ATP11B: variants seen among roughly 807,000 people sequenced by gnomAD.
The protein encoded by ATP11B is ATPase phospholipid transporting 11B (putative).
ATP11B carries 81 observed loss-of-function variants against 157.8 expected under a neutral mutation model. That is an observed-to-expected ratio of 0.51 (90% confidence interval 0.43 to 0.62). ATP11B has a LOEUF of 0.62. Ranked by LOEUF, ATP11B falls within the 20% of genes least tolerant of loss-of-function variation. The probability of loss-of-function intolerance (pLI) is 0.00; values close to 1 mark genes in which losing one functional copy is unlikely to be tolerated. For synonymous variants in ATP11B, 451 were observed against 469.4 expected (o/e 0.96, Z 0.51); for missense variants, 1,165 against 1,402.2 (o/e 0.83, Z 2.70).
intron 10 of ATP11B, among the ~76,000 whole-genome samples, chr3:182,854,601 T>C (rs566211069): frequency 6.6e-6 from 1 of 152,180 alleles, no homozygotes; most frequent in Non-Finnish European, 1.5e-5. Flanking sequence ...ATTGATAAAT[T>C]ACACTTTCTC....
rs118095465 is a variant in ATP11B, at chr3:182,866,603, T to C, written c.1619+160T>C. 2.0e-4 allele frequency among the ~76,000 whole-genome samples: 30 copies of C among 152,170 alleles called. No homozygotes were observed. The East Asian group carries it at 4.6e-3, about 23-fold the overall frequency. ...ATAGAAGTACAATTTAAATTTTAAA[T>C]GACAATTTGAAGTCATTTTATTATC... On this transcript the variant is annotated intron_variant, in intron 14 of 29. Transcript: ENST00000323116.
chr3:182,844,859 T>G (rs1396987228), intron 8 of ATP11B, among the ~76,000 whole-genome samples: 1 of 152,176 alleles, frequency 6.6e-6, no homozygotes, highest in Non-Finnish European at 1.5e-5. Context: ...AATTTTATGT[T>G]TAAAATTTTG....
intron 21 of ATP11B, among the ~76,000 whole-genome samples, chr3:182,881,710 T>G (rs1449733687): frequency 1.3e-5 from 2 of 152,200 alleles, no homozygotes; most frequent in Admixed American, 1.3e-4. Context: ...TTTTGTACCT[T>G]TTAAAGTACT....
At chr3:182,824,734 TAA>T (rs1717601955) in intron 2 of ATP11B, among the ~76,000 whole-genome samples, 1 of 152,224 alleles carries the variant, frequency 6.6e-6, no homozygotes, top group African/African-American at 2.4e-5. Context: ...ATGTTTACGG[TAA>T]ATGAGGACTG....
chr3:182,816,988 A>G (rs1717003783), intron 1 of ATP11B, among the ~76,000 whole-genome samples: 2 of 152,216 alleles, frequency 1.3e-5, no homozygotes, highest in South Asian at 2.1e-4. Context: ...CTGTACTTAT[A>G]CTATAGACAC....
At chr3:182,879,370 A>C in intron 19 of ATP11B, 126 bp from the exon 20 acceptor site, 1 of 753,826 alleles carries the variant, frequency 1.3e-6, no homozygotes, top group Non-Finnish European at 2.0e-6. Flanking sequence ...CTGACATAAC[A>C]GTCTTGTAAC....
At chr3:182,826,129 C>T (rs1717703732) in intron 2 of ATP11B, among the ~76,000 whole-genome samples, 1 of 152,124 alleles carries the variant, frequency 6.6e-6, no homozygotes, top group African/African-American at 2.4e-5. Flanking sequence ...TACTAGAGTT[C>T]TCCCTCTCTA....
intron 17 of ATP11B, among the ~76,000 whole-genome samples, chr3:182,870,165 C>T (rs909287042): frequency 6.6e-6 from 1 of 152,188 alleles, no homozygotes. Context: ...GATAATTGCA[C>T]AACTCTGTGA....
intron 28 of ATP11B, among the ~76,000 whole-genome samples, chr3:182,906,586 A>G (rs533048525): frequency 6.6e-6 from 1 of 152,116 alleles, no homozygotes; most frequent in East Asian, 1.9e-4. Flanking sequence ...AGTAGCTGGA[A>G]CTACAGGTGC....
intron 4 of ATP11B, 80 bp from the exon 5 acceptor site, chr3:182,835,955 T>A: frequency 8.5e-7 from 1 of 1,169,658 alleles, no homozygotes; most frequent in South Asian, 1.5e-5. Flanking sequence ...CAGGGAAGTT[T>A]TTGAGTTTTT....
At chr3:182,841,334 C>T (rs938737799) in intron 7 of ATP11B, among the ~76,000 whole-genome samples, 2 of 152,208 alleles carry the variant, frequency 1.3e-5, no homozygotes, top group African/African-American at 2.4e-5. Flanking sequence ...AACTCTAGAG[C>T]AGGCATCTTT....
At chr3:182,852,444 G>C (rs1720053476) in intron 10 of ATP11B, among the ~76,000 whole-genome samples, 1 of 152,232 alleles carries the variant, frequency 6.6e-6, no homozygotes, top group Non-Finnish European at 1.5e-5. Context: ...AGGAACTACT[G>C]TGAACAACTT....
At chr3:182,893,137 T>A (rs1041251912) in intron 25 of ATP11B, among the ~76,000 whole-genome samples, 3 of 152,240 alleles carry the variant, frequency 2.0e-5, no homozygotes, top group Non-Finnish European at 4.4e-5. Flanking sequence ...AGTCATAGAT[T>A]AGTAATTCAC....
In ATP11B at chr3:182,869,278, T is replaced by G. The variant is rs757227343; in HGVS notation, c.1813T>G (p.Cys605Gly). 14 of 1,610,382 alleles carry G rather than the reference T, an allele frequency of 8.7e-6. No individual in the cohort carries two copies. The highest frequency in any genetic ancestry group is 1.0e-5 in the Non-Finnish European group (12 of 1,178,508). The stretch of plus-strand genomic sequence containing the variant: ...AGCTGAGTCATCAATTCTCCCTAAA[T>G]GTATAGGTGGAGAAATAGAAAAAAC... Reference protein sequence around the residue: ...KGAESSILPKCIGGEIEKTRI... With the variant: ...KGAESSILPKGIGGEIEKTRI... The change falls in exon 17 of 30, where the codon TGT becomes GGT. Residue 605 changes from cysteine (C) to glycine (G), a missense_variant. This residue lies in a region of ATP11B where 737 missense variants were observed against 930.5 expected (regional missense o/e 0.79). Coordinates refer to ENST00000323116, the MANE Select transcript of ATP11B (RefSeq NM_014616.3).
chr3:182,881,267 C>G (rs979289841), intron 21 of ATP11B, among the ~76,000 whole-genome samples: 1 of 152,090 alleles, frequency 6.6e-6, no homozygotes, highest in Admixed American at 6.6e-5. Context: ...AACCCCGTCT[C>G]TACTAAAAAT....
At chr3:182,905,134 C>G (rs1245868270) in intron 28 of ATP11B, among the ~76,000 whole-genome samples, 5 of 151,898 alleles carry the variant, frequency 3.3e-5, no homozygotes, top group African/African-American at 1.2e-4. Context: ...AGTCTTAATC[C>G]TGGAAAAATA....
intron 25 of ATP11B, among the ~76,000 whole-genome samples, chr3:182,891,122 A>G (rs2108571717): frequency 6.6e-6 from 1 of 152,252 alleles, no homozygotes; most frequent in East Asian, 1.9e-4. Flanking sequence ...CAGTCTTACC[A>G]TCAGTGCAAG....
chr3:182,797,253 C>G (rs1373661382), intron 1 of ATP11B, among the ~76,000 whole-genome samples: 1 of 152,168 alleles, frequency 6.6e-6, no homozygotes, highest in Non-Finnish European at 1.5e-5. Context: ...TCAAGCCTCT[C>G]TGCTACTTTT....
intron 1 of ATP11B, among the ~76,000 whole-genome samples, chr3:182,816,635 T>C (rs1249551058): frequency 2.0e-5 from 3 of 152,222 alleles, no homozygotes; most frequent in Non-Finnish European, 4.4e-5. Context: ...AAAGATTCTC[T>C]TGAGGTAGTT....
Sources: allele counts gnomAD v4.1 joint callset (sites outside exome capture counted in the v4.1 genomes callset), GRCh38; gene constraint gnomAD v4.1.1; regional missense constraint gnomAD v4.1.1; transcripts MANE v1.5; gene names NCBI Gene and HGNC (gene_info 2026-07-23, HGNC 2026-07-21).